Variants in MYO15B observed in about 807,000 individuals in gnomAD.
MYO15B encodes myosin XVB.
In MYO15B, 207 loss-of-function variants were observed where a neutral mutation model predicts 119.3. The ratio of observed to expected loss-of-function variants is 1.73; its 90% confidence interval spans 1.55 to 1.95. MYO15B has a LOEUF of 1.95. Among genes scored for constraint, MYO15B ranks in the 30% most tolerant of loss-of-function variants. MYO15B has a pLI of 0.00. For synonymous variants in MYO15B, 966 were observed against 498.9 expected (o/e 1.94, Z -12.48); for missense variants, 2,264 against 1,203.1 (o/e 1.88, Z -13.04).
In MYO15B at chr17:75,615,831, A is replaced by C; in HGVS notation, c.5977A>C (p.Thr1993Pro). ...CACCTCCAAGCCCAGGAAGCCCCCC[A>C]CACCCCCGGAGAAGCCACAGCGTGA... Residue 1993 changes from threonine to proline, a missense_variant, in exon 36 of 64, where the codon ACA (threonine) becomes CCA (proline). Thr to Pro is a conservative substitution (Grantham distance 38). Transcript: ENST00000645453. 5 of 702,290 alleles carry C rather than the reference A, an allele frequency of 7.1e-6. 1 individual carries two copies. The highest frequency in any genetic ancestry group is 1.3e-5 in the Non-Finnish European group (5 of 384,722). The allele number at this position is 702,290 out of a possible 1,614,324, so 43.5% of individuals were successfully genotyped here.
exon 1 of MYO15B, chr17:75,587,981 G>A (rs778928787): frequency 5.0e-6 from 2 of 397,698 alleles, no homozygotes; most frequent in Non-Finnish European, 4.4e-6. Context: ...CTGCACAGAA[G>A]GTCACCGCGG....
intron 14 of MYO15B, among the ~76,000 whole-genome samples, chr17:75,598,863 A>C (rs909020803): frequency 7.0e-6 from 1 of 142,328 alleles, no homozygotes; most frequent in African/African-American, 2.4e-5. Flanking sequence ...ATGGATTTCC[A>C]GGGCTCAGCA....
chr17:75,621,720 C>T, intron 52 of MYO15B, 150 bp downstream of exon 52: 1 of 606,634 alleles, frequency 1.6e-6, no homozygotes, highest in Non-Finnish European at 3.0e-6. Context: ...CCAGGGCCCT[C>T]ACCCGCTTCT....
chr17:75,593,162 C>G, intron 9 of MYO15B: 1 of 186,378 alleles, frequency 5.4e-6, no homozygotes, highest in Non-Finnish European at 1.0e-5. Context: ...GAGTTTGAGA[C>G]CAGCCTAGGC....
At chr17:75,620,428 G>C (rs1365305369) in intron 48 of MYO15B, 39 bp from the exon 49 acceptor site, 1 of 702,610 alleles carries the variant, frequency 1.4e-6, no homozygotes, top group Non-Finnish European at 2.6e-6. Context: ...CGGGGGCAGA[G>C]GGTCCAGTGG....
chr17:75,603,487 C>T (rs1459113152), intron 19 of MYO15B, among the ~76,000 whole-genome samples, 175 bp downstream of exon 19: 1 of 152,006 alleles, frequency 6.6e-6, no homozygotes, highest in African/African-American at 2.4e-5. Flanking sequence ...TTTCTCTCTC[C>T]ATCTCACTCT....
At chr17:75,588,040 G>C (rs1183377301) in exon 1 of MYO15B, 5 of 398,358 alleles carry the variant, frequency 1.3e-5, no homozygotes, top group Non-Finnish European at 2.2e-5. Context: ...CGGGAAGCCC[G>C]TCTCCTTTGG....
In MYO15B at chr17:75,625,639, G is replaced by T. The variant is rs751051388; in HGVS notation, c.8917G>T (p.Glu2973Ter). The T allele has an allele frequency of 1.4e-6, 1 of 703,064 alleles. No individual in the cohort carries two copies. Among genetic ancestry groups the T allele is most frequent in the South Asian group, 1.5e-5 (1 of 67,600 alleles). The allele number at this position is 703,064 out of a possible 1,614,324, so 43.6% of individuals were successfully genotyped here. ...ACGGCTGGAAGGACACAGCCCCCAG[G>T]AAGCACAGATCAGCTTCATTGGTGG... Residue 2973 changes from glutamate to a stop codon, truncating the protein, a stop_gained, in exon 61 of 64, where the codon GAA (glutamate) becomes TAA (stop). Coordinates refer to ENST00000645453, the Ensembl canonical transcript of MYO15B. LOFTEE classifies it high-confidence loss of function.
chr17:75,621,817 C>T, intron 52 of MYO15B, 187 bp from the exon 53 acceptor site: 1 of 609,824 alleles, frequency 1.6e-6, no homozygotes, highest in South Asian at 1.9e-5. Flanking sequence ...CTGTGTGGGG[C>T]CTTGGATACC....
rs561311716 is a variant in MYO15B at position 75,603,355 on chromosome 17, C to T, written c.4016+43C>T. On this transcript the variant is annotated intron_variant, in intron 19 of 63. Transcript: ENST00000645453. The stretch of plus-strand genomic sequence containing the variant: ...GGGGCAGGACTGACAAGGAGGCCAC[C>T]GGGAGTGACTGGCAGCCCCGGGGGT... 6.0e-5 allele frequency: 42 copies of T among 698,740 alleles called. No homozygotes were observed. In the East Asian group the frequency reaches 6.2e-4, roughly 10 times the overall value. The allele number at this position is 698,740 out of a possible 1,614,324, so 43.3% of individuals were successfully genotyped here. A position where few individuals can be genotyped will look rare whatever the true frequency, so the allele number is the denominator to read the frequency against.
rs1353434667 is a variant in MYO15B at position 75,621,480 on chromosome 17, GCCT to G, written c.7936-16_7936-14del. ...ACCCCCACGGCCCCCCAGACCCATG[GCCT>G]CCTCTCTTTGGCCACAGGCTCCCAT... On this transcript the variant is annotated intron_variant, in intron 51 of 63. Transcript: ENST00000645453. 2.9e-6 allele frequency: 2 copies of G among 701,248 alleles called. No individual in the cohort carries two copies. The highest frequency in any genetic ancestry group is 2.7e-5 in the East Asian group (1 of 37,216). 43.4% of individuals were successfully genotyped at this position (701,248 alleles called of 1,614,324 possible). A position where few individuals can be genotyped will look rare whatever the true frequency, so the allele number is the denominator to read the frequency against.
intron 21 of MYO15B, among the ~76,000 whole-genome samples, chr17:75,609,287 T>C (rs2057853518): frequency 6.6e-6 from 1 of 151,292 alleles, no homozygotes. Context: ...AGCTCCTACC[T>C]CAGCCTCCCA....
chr17:75,598,316 C>T (rs1010833420), intron 14 of MYO15B, among the ~76,000 whole-genome samples: 14 of 150,746 alleles, frequency 9.3e-5, no homozygotes, highest in African/African-American at 3.2e-4. Flanking sequence ...CGGTGGCTCA[C>T]GCCTGTAATC....
Position 75,591,704 on chromosome 17 carries a change from G to T in MYO15B, c.2539G>T (p.Glu847Ter), listed in dbSNP as rs1015026365. The change falls in exon 5 of 64, where the codon GAG (glutamate) becomes TAG (stop). Residue 847 changes from glutamate (E) to a stop codon, truncating the protein, a stop_gained. Transcript: ENST00000645453. LOFTEE classifies it high-confidence loss of function. ...GGAGCAGGATCAGACGGGGAACCGA[G>T]AGTGTCAGGTGAGGGCCAGGCTGGA... 2.7e-5 allele frequency: 19 copies of T among 702,838 alleles called. No homozygotes were observed. Among genetic ancestry groups the T allele is most frequent in the Non-Finnish European group, 4.4e-5 (17 of 384,986 alleles). The allele number at this position is 702,838 out of a possible 1,614,324, so 43.5% of individuals were successfully genotyped here. A position where few individuals can be genotyped will look rare whatever the true frequency, so the allele number is the denominator to read the frequency against.
At position 75,621,517 on chromosome 17, in the gene MYO15B, C is replaced by A. The variant is rs972053905; in HGVS notation, c.7952C>A (p.Ser2651Ter). ...TGGCCACAGGCTCCCATCCAGGAGT[C>A]GCTCCTCAGCCTCAGTGATGATGTG... Residue 2651 changes from serine (S) to a stop codon, truncating the protein, a stop_gained, in exon 52 of 64, where the codon TCG (serine) becomes TAG (stop). Coordinates refer to ENST00000645453, the Ensembl canonical transcript of MYO15B. LOFTEE classifies it high-confidence loss of function. 1 of 702,334 alleles carries A rather than the reference C, an allele frequency of 1.4e-6. No homozygotes were observed. Among genetic ancestry groups the A allele is most frequent in the Admixed American group, 2.0e-5 (1 of 50,008 alleles). 43.5% of individuals were successfully genotyped at this position (702,334 alleles called of 1,614,324 possible). A position where few individuals can be genotyped will look rare whatever the true frequency, so the allele number is the denominator to read the frequency against.
At chr17:75,592,169 G>T in intron 6 of MYO15B, 69 bp from the exon 7 acceptor site, 1 of 701,210 alleles carries the variant, frequency 1.4e-6, no homozygotes, top group Non-Finnish European at 2.6e-6. Flanking sequence ...CCCTGGTAGG[G>T]CTTCTTCTGC....
intron 9 of MYO15B, 139 bp from the exon 10 acceptor site, chr17:75,594,336 T>C (rs1039370812): frequency 3.9e-6 from 2 of 514,228 alleles, no homozygotes; most frequent in Non-Finnish European, 6.8e-6. Context: ...GCCTCGCTCC[T>C]AATGGCCCAG....
exon 15 of MYO15B, chr17:75,601,438 G>A (rs756696472): frequency 4.3e-6 from 3 of 702,986 alleles, no homozygotes; most frequent in East Asian, 5.4e-5. Context: ...CCTCTCCTAG[G>A]CCACGGACCA....
At chr17:75,605,204 G>A (rs1338413158) in intron 19 of MYO15B, among the ~76,000 whole-genome samples, 1 of 151,848 alleles carries the variant, frequency 6.6e-6, no homozygotes, top group African/African-American at 2.4e-5. Flanking sequence ...TTGGGAGGCC[G>A]AGGCGGGCAG....
Sources: gnomAD v4.1 joint callset for allele counts (sites outside exome capture counted in the v4.1 genomes callset) on GRCh38, gnomAD v4.1.1 for gene constraint, MANE v1.5 for transcripts, NCBI Gene and HGNC (gene_info 2026-07-23, HGNC 2026-07-21) for gene names.